GRM7: variants seen among roughly 807,000 people sequenced by gnomAD.
GRM7 encodes the protein glutamate metabotropic receptor 7, also known as metabotropic glutamate receptor 7.
In GRM7, 35 loss-of-function variants were observed where a neutral mutation model predicts 84.5. The observed-to-expected ratio is 0.41, with a 90% CI of 0.32 to 0.55. The LOEUF (loss-of-function observed/expected upper bound fraction) is 0.55. Among genes scored for constraint, GRM7 ranks in the 20% least tolerant of loss-of-function variants. GRM7 has a pLI of 0.19. For missense variants in GRM7, 1,003 were observed against 1,194.6 expected, an observed-to-expected ratio of 0.84 and a Z score of 2.36; for synonymous variants, 487 against 455.1, an observed-to-expected ratio of 1.07 and a Z score of -0.89.
chr3:7,387,243 G>T (rs543123778), intron 4 of GRM7, among the ~76,000 whole-genome samples: 258 of 152,224 alleles, frequency 1.7e-3, no homozygotes, highest in African/African-American at 5.9e-3. Flanking sequence ...TAGGTTGCCT[G>T]TTTACTCTGT....
chr3:6,929,419 A>C (rs532319491), intron 1 of GRM7, among the ~76,000 whole-genome samples: 1 of 152,298 alleles, frequency 6.6e-6, no homozygotes, highest in East Asian at 1.9e-4. Context: ...AAACTAGTGA[A>C]AGGTATGGGA....
intron 4 of GRM7, among the ~76,000 whole-genome samples, chr3:7,397,073 A>G (rs1329504482): frequency 4.6e-5 from 7 of 152,056 alleles, no homozygotes; most frequent in Non-Finnish European, 8.8e-5. Flanking sequence ...CAGATTGAAA[A>G]CACCATTTTA....
At chr3:7,149,041 A>C (rs1260445737) in intron 2 of GRM7, among the ~76,000 whole-genome samples, 1 of 152,190 alleles carries the variant, frequency 6.6e-6, no homozygotes, top group East Asian at 1.9e-4. Flanking sequence ...ATTTATAATA[A>C]GTATTTAATA....
At chr3:7,569,342 C>T (rs943125935) in intron 7 of GRM7, among the ~76,000 whole-genome samples, 14 of 152,054 alleles carry the variant, frequency 9.2e-5, no homozygotes, top group Non-Finnish European at 1.8e-4. Context: ...TATCTAGCTC[C>T]GCTGGTGGGG....
At chr3:7,007,453 C>T (rs1278530478) in intron 1 of GRM7, among the ~76,000 whole-genome samples, 1 of 152,174 alleles carries the variant, frequency 6.6e-6, no homozygotes, top group Non-Finnish European at 1.5e-5. Flanking sequence ...CTCACTCATT[C>T]TCAGAGATTT....
intron 5 of GRM7, among the ~76,000 whole-genome samples, chr3:7,416,360 A>G (rs919885100): frequency 1.3e-5 from 2 of 152,132 alleles, no homozygotes; most frequent in Non-Finnish European, 2.9e-5. Context: ...CAGGTATACT[A>G]ATGTAATAAG....
chr3:7,283,617 GA>G (rs1345492962), intron 2 of GRM7, among the ~76,000 whole-genome samples: 1 of 152,070 alleles, frequency 6.6e-6, no homozygotes, highest in East Asian at 1.9e-4. Flanking sequence ...GTTTTGATTG[GA>G]TAAAGAAGAG....
intron 4 of GRM7, among the ~76,000 whole-genome samples, chr3:7,333,192 T>C (rs1701276754): frequency 6.6e-6 from 1 of 152,036 alleles, no homozygotes; most frequent in Non-Finnish European, 1.5e-5. Flanking sequence ...TAACCAACAT[T>C]TGAGAAAACC....
intron 7 of GRM7, among the ~76,000 whole-genome samples, chr3:7,529,763 C>T (rs1280870909): frequency 6.6e-5 from 10 of 151,896 alleles, no homozygotes; most frequent in African/African-American, 1.7e-4. Context: ...ATCCTGGTAC[C>T]CCTACCAGCC....
chr3:7,307,211 T>C (rs545176207), intron 4 of GRM7, among the ~76,000 whole-genome samples: 63 of 152,326 alleles, frequency 4.1e-4, no homozygotes, highest in African/African-American at 1.4e-3. Context: ...TTCTTTGCCT[T>C]CCTTGCTACT....
At chr3:7,150,082 T>TGAGA (rs1483766034) in intron 2 of GRM7, among the ~76,000 whole-genome samples, 1 of 145,768 alleles carries the variant, frequency 6.9e-6, no homozygotes, top group African/African-American at 2.5e-5. Context: ...TGTGTGTGTG[T>TGAGA]GTGTGAGAGA....
chr3:7,527,754 C>G (rs978527749), intron 7 of GRM7, among the ~76,000 whole-genome samples: 2 of 151,952 alleles, frequency 1.3e-5, no homozygotes, highest in African/African-American at 4.8e-5. Context: ...TGAATGCTAT[C>G]AAATTTGTTT....
rs75953481 is a variant in GRM7, at chr3:7,286,482, G to A, written c.737-12202G>A. On this transcript the variant is annotated intron_variant, in intron 2 of 9. Coordinates refer to ENST00000357716, the MANE Select transcript of GRM7 (RefSeq NM_000844.4). The stretch of plus-strand genomic sequence containing the variant: ...ATTTGCGGATTCAGCTACTTCAAAA[G>A]CTTTGGTTTTATTTTTATGCATAGA... Among the ~76,000 whole-genome samples, 126 of 152,168 alleles carry A rather than the reference G, an allele frequency of 8.3e-4. 2 individuals are homozygous for A. The East Asian group carries it at 0.019, about 23-fold the overall frequency.
chr3:7,229,724 CACATATATATATATATATATAT>C (rs1697104561), intron 2 of GRM7, among the ~76,000 whole-genome samples: 1 of 26,002 alleles, frequency 3.8e-5, no homozygotes, highest in African/African-American at 1.5e-4. Context: ...CATAGACACA[CACATATATATATATATATATAT>C]ATATATATAT....
intron 2 of GRM7, among the ~76,000 whole-genome samples, chr3:7,162,195 G>T (rs1694647166): frequency 6.6e-6 from 1 of 152,146 alleles, no homozygotes; most frequent in Admixed American, 6.5e-5. Flanking sequence ...CTAGAGTTAA[G>T]AGGGGAAGTC....
At chr3:7,466,301 A>C (rs1165562727) in intron 7 of GRM7, among the ~76,000 whole-genome samples, 1 of 152,198 alleles carries the variant, frequency 6.6e-6, no homozygotes, top group Non-Finnish European at 1.5e-5. Flanking sequence ...TTAGGGCTAC[A>C]GACAGGCACT....
intron 1 of GRM7, among the ~76,000 whole-genome samples, chr3:6,876,153 A>C (rs1695291965): frequency 6.6e-6 from 1 of 152,012 alleles, no homozygotes; most frequent in Admixed American, 6.6e-5. Context: ...CTGCGATCCC[A>C]GTTACTCGGG....
intron 7 of GRM7, chr3:7,561,573 T>A (rs750798002): frequency 2.2e-6 from 1 of 456,332 alleles, no homozygotes; most frequent in Non-Finnish European, 4.4e-6. Context: ...CCCTTAGTAG[T>A]GTAAGCATAT....
intron 8 of GRM7, among the ~76,000 whole-genome samples, chr3:7,670,277 G>C (rs1031310321): frequency 6.6e-6 from 1 of 152,174 alleles, no homozygotes. Context: ...AGCTATCATA[G>C]CTTGGTGGCA....
Sources: allele counts gnomAD v4.1 joint callset (sites outside exome capture counted in the v4.1 genomes callset), GRCh38; gene constraint gnomAD v4.1.1; transcripts MANE v1.5; gene names NCBI Gene and HGNC (gene_info 2026-07-23, HGNC 2026-07-21).